GREB1L: variants seen among roughly 807,000 people sequenced by gnomAD.
The protein encoded by GREB1L is GREB1 like retinoic acid receptor coactivator.
In GREB1L, 17 loss-of-function variants were observed where a neutral mutation model predicts 200.8. The ratio of observed to expected loss-of-function variants is 0.08; its 90% CI spans 0.06 to 0.13. The LOEUF is 0.13. GREB1L is among the 10% of genes least tolerant of loss of function. GREB1L has a pLI of 1.00. For synonymous variants in GREB1L, 789 were observed against 893.0 expected (o/e 0.88, Z 2.08); for missense variants, 1,657 against 2,367.7 (o/e 0.70, Z 6.23).
chr18:21,454,376 T>C lies in GREB1L; in HGVS notation c.1995T>C (p.Asn665=), dbSNP rs2145469649. The change falls in exon 15 of 33, where the codon AAT becomes AAC. Residue 665 remains asparagine (N), a synonymous_variant. Transcript: ENST00000424526. The stretch of plus-strand genomic sequence containing the variant: ...CTCTTTAAATTTTAGATTTAGATAA[T>C]GAAACCTTCCACATTTATCAACCGC... ...MIPTQNLDLD[N]ETFHIYQPQL... 1 of 1,550,362 alleles carries C rather than the reference T, an allele frequency of 6.5e-7. No individual in the cohort carries two copies. The highest frequency in any genetic ancestry group is 8.7e-7 in the Non-Finnish European group (1 of 1,145,886).
At chr18:21,352,181 T>C (rs2039443484) in intron 1 of GREB1L, among the ~76,000 whole-genome samples, 1 of 152,116 alleles carries the variant, frequency 6.6e-6, no homozygotes, top group Non-Finnish European at 1.5e-5. Context: ...TCAAATTCAT[T>C]GGCTTATGAT....
intron 29 of GREB1L, 116 bp downstream of exon 29, chr18:21,515,760 T>C (rs554341463): frequency 3.0e-5 from 23 of 771,814 alleles, no homozygotes; most frequent in African/African-American, 1.6e-4. Flanking sequence ...TGACTCTTTA[T>C]GTGGGCAAGG....
At chr18:21,272,793 TAATA>T (rs1381209548) in intron 1 of GREB1L, among the ~76,000 whole-genome samples, 2 of 152,168 alleles carry the variant, frequency 1.3e-5, no homozygotes, top group Admixed American at 1.3e-4. Context: ...GCCAAGAAGA[TAATA>T]AAAAAAGATG....
At chr18:21,287,498 T>C (rs1246590742) in intron 1 of GREB1L, among the ~76,000 whole-genome samples, 1 of 152,228 alleles carries the variant, frequency 6.6e-6, no homozygotes, top group Non-Finnish European at 1.5e-5. Flanking sequence ...AAGAATTGTC[T>C]ATTTTTCTTA....
chr18:21,334,225 T>A (rs1490723909), intron 1 of GREB1L, among the ~76,000 whole-genome samples: 1 of 152,126 alleles, frequency 6.6e-6, no homozygotes, highest in African/African-American at 2.4e-5. Context: ...TTTGTAAGAG[T>A]TTGTAGCCAT....
intron 2 of GREB1L, among the ~76,000 whole-genome samples, chr18:21,372,597 G>A (rs1167349859): frequency 6.6e-6 from 1 of 152,072 alleles, no homozygotes; most frequent in Admixed American, 6.6e-5. Context: ...CTTTGAATGT[G>A]ACCCAACACA....
At position 21,500,314 on chromosome 18, in the gene GREB1L, C is replaced by A; in HGVS notation, c.3969+8C>A. The A allele has an allele frequency of 1.7e-6, 2 of 1,148,658 alleles. No individual in the cohort carries two copies. Among genetic ancestry groups the A allele is most frequent in the South Asian group, 1.3e-5 (1 of 75,618 alleles). The allele number at this position is 1,148,658 out of a possible 1,614,324, so 71.2% of individuals were successfully genotyped here. On this transcript the variant is annotated splice_region_variant and intron_variant, in intron 22 of 32. Transcript: ENST00000424526. The stretch of plus-strand genomic sequence containing the variant: ...CTGACAGGGCCCCCACAGGTAGGGC[C>A]AAGCCAGCCGGGGCCGTTTCTTAGG...
chr18:21,429,427 C>T (rs368926241), intron 7 of GREB1L, among the ~76,000 whole-genome samples: 1 of 151,158 alleles, frequency 6.6e-6, no homozygotes, highest in Non-Finnish European at 1.5e-5. Context: ...ACTGTAGCCT[C>T]AAACTTCCTA....
At chr18:21,477,440 C>A in intron 17 of GREB1L, 84 bp downstream of exon 17, 2 of 1,022,236 alleles carry the variant, frequency 2.0e-6, no homozygotes, top group Non-Finnish European at 1.4e-6. Flanking sequence ...TGTGTCATGG[C>A]TTAAGACCAT....
At chr18:21,264,290 A>G (rs2037933536) in intron 1 of GREB1L, among the ~76,000 whole-genome samples, 1 of 151,504 alleles carries the variant, frequency 6.6e-6, no homozygotes, top group African/African-American at 2.4e-5. Flanking sequence ...AAAAACGATG[A>G]CAACAAATGA....
At chr18:21,299,869 A>G (rs1158317972) in intron 1 of GREB1L, among the ~76,000 whole-genome samples, 1 of 152,168 alleles carries the variant, frequency 6.6e-6, no homozygotes, top group African/African-American at 2.4e-5. Flanking sequence ...AAATATTTTA[A>G]TTGTAGTCTG....
At chr18:21,295,732 C>T (rs907029942) in intron 1 of GREB1L, among the ~76,000 whole-genome samples, 1 of 152,124 alleles carries the variant, frequency 6.6e-6, no homozygotes, top group African/African-American at 2.4e-5. Context: ...TCCTGGAGGT[C>T]TTTCAAGGAG....
rs550269399 is a variant in GREB1L at position 21,268,533 on chromosome 18, A to C, written c.-120+26140A>C. 2.5e-4 allele frequency among the ~76,000 whole-genome samples: 22 copies of C among 86,298 alleles called. No homozygotes were observed. The South Asian group carries it at 7.9e-3, about 31-fold the overall frequency. 56.6% of individuals were successfully genotyped at this position (86,298 alleles called of 152,430 possible). A position where few individuals can be genotyped will look rare whatever the true frequency, so the allele number is the denominator to read the frequency against. On this transcript the variant is annotated intron_variant, in intron 1 of 32. Transcript: ENST00000424526. Reference sequence around the variant, plus strand: ...TATGTATATATATATACACACACACACACACACACACACACACACACACAC... The same window carrying C: ...TATGTATATATATATACACACACACCCACACACACACACACACACACACAC...
intron 1 of GREB1L, among the ~76,000 whole-genome samples, chr18:21,255,047 G>A (rs907120394): frequency 1.3e-5 from 2 of 152,092 alleles, no homozygotes; most frequent in African/African-American, 2.4e-5. Flanking sequence ...CAAACTGTGG[G>A]GTTAATATTG....
chr18:21,395,576 C>A lies in GREB1L; in HGVS notation c.532+15C>A. On this transcript the variant is annotated intron_variant, in intron 5 of 32. Transcript: ENST00000424526. ...TGCACTTTTAGGTGAGTGTTTCATG[C>A]TTATAAAATTCCTTCCAATATGAGG... 6.6e-7 allele frequency: 1 copy of A among 1,519,500 alleles called. No individual in the cohort carries two copies. Among genetic ancestry groups the A allele is most frequent in the Non-Finnish European group, 8.8e-7 (1 of 1,130,152 alleles). The allele number at this position is 1,519,500 out of a possible 1,614,324, so 94.1% of individuals were successfully genotyped here.
At chr18:21,375,478 C>G (rs77704838) in intron 2 of GREB1L, among the ~76,000 whole-genome samples, 7,773 of 152,238 alleles carry the variant, frequency 0.051, 670 homozygotes, top group African/African-American at 0.18. Flanking sequence ...CCTTTTCAGC[C>G]TGTCTTGCAA....
chr18:21,247,316 A>C (rs555939694), intron 1 of GREB1L, among the ~76,000 whole-genome samples: 81 of 151,938 alleles, frequency 5.3e-4, no homozygotes, highest in African/African-American at 1.9e-3. Flanking sequence ...TTTTATTTTT[A>C]TTTTTCCCTA....
intron 2 of GREB1L, among the ~76,000 whole-genome samples, chr18:21,369,132 C>A (rs1189508971): frequency 6.6e-6 from 1 of 152,086 alleles, no homozygotes; most frequent in Non-Finnish European, 1.5e-5. Context: ...GGGAAATTGG[C>A]GAATTGTTTT....
chr18:21,311,463 G>A (rs900812458), intron 1 of GREB1L, among the ~76,000 whole-genome samples: 2 of 152,140 alleles, frequency 1.3e-5, no homozygotes, highest in Non-Finnish European at 2.9e-5. Flanking sequence ...TAGCAGATGG[G>A]TGTTCCTCTT....
Sources: allele counts gnomAD v4.1 joint callset (sites outside exome capture counted in the v4.1 genomes callset), GRCh38; gene constraint gnomAD v4.1.1; transcripts MANE v1.5; gene names NCBI Gene and HGNC (gene_info 2026-07-23, HGNC 2026-07-21).